PSD3: variants seen among roughly 807,000 people sequenced by gnomAD.
PSD3 encodes the protein pleckstrin and Sec7 domain containing 3.
Under a neutral mutation model 105.5 loss-of-function variants are expected in PSD3, and 49 were observed. The observed-to-expected ratio is 0.46, with a 90% CI of 0.37 to 0.59. The LOEUF (loss-of-function observed/expected upper bound fraction) is 0.59, where lower values mean the gene tolerates loss of function less well. PSD3 is among the 20% of genes least tolerant of loss of function. The pLI, the probability that PSD3 is intolerant of heterozygous loss-of-function variation, is 0.00. For missense variants in PSD3, 1,561 were observed against 1,263.8 expected, an observed-to-expected ratio of 1.24 and a Z score of -3.57; for synonymous variants, 557 against 457.8, an observed-to-expected ratio of 1.22 and a Z score of -2.77.
At chr8:18,560,915 T>A (rs1045897298) in intron 14 of PSD3, among the ~76,000 whole-genome samples, 1 of 152,228 alleles carries the variant, frequency 6.6e-6, no homozygotes, top group Non-Finnish European at 1.5e-5. Flanking sequence ...AAGTGTCTTA[T>A]AGAAGTGCTG....
chr8:18,966,064 T>C (rs1824223962), intron 1 of PSD3, among the ~76,000 whole-genome samples: 2 of 152,210 alleles, frequency 1.3e-5, no homozygotes, highest in African/African-American at 2.4e-5. Flanking sequence ...ATGTGCTGTA[T>C]AACTTTTCCC....
At chr8:18,697,093 A>G (rs922931097) in intron 9 of PSD3, among the ~76,000 whole-genome samples, 4 of 152,184 alleles carry the variant, frequency 2.6e-5, no homozygotes, top group Non-Finnish European at 4.4e-5. Context: ...ATCAAATTTA[A>G]AAGAAGTTAT....
chr8:18,930,142 C>G (rs1244192743), intron 2 of PSD3, among the ~76,000 whole-genome samples: 7 of 152,110 alleles, frequency 4.6e-5, no homozygotes, highest in African/African-American at 1.4e-4. Context: ...GCTCCACAGG[C>G]ACCATACAGC....
chr8:18,892,853 G>A (rs887522410), intron 2 of PSD3, among the ~76,000 whole-genome samples: 8 of 151,634 alleles, frequency 5.3e-5, no homozygotes, highest in Non-Finnish European at 1.0e-4. Context: ...TCAAACTTCC[G>A]GCCTCAAATA....
At chr8:19,018,453 C>T (rs1299550228), upstream of PSD3, among the ~76,000 whole-genome samples, 1 of 151,824 alleles carries the variant, frequency 6.6e-6, no homozygotes, top group Non-Finnish European at 1.5e-5. Context: ...TAGAATTTTA[C>T]ACTTAAAAGC....
intron 1 of PSD3, among the ~76,000 whole-genome samples, chr8:19,022,940 C>T (rs1827412221): frequency 6.6e-6 from 1 of 151,180 alleles, no homozygotes; most frequent in African/African-American, 2.4e-5. Context: ...GTGTATTACA[C>T]TGTCACCTCA....
At chr8:18,693,382 C>T (rs936762436) in intron 9 of PSD3, among the ~76,000 whole-genome samples, 6 of 152,202 alleles carry the variant, frequency 3.9e-5, no homozygotes, top group African/African-American at 1.4e-4. Flanking sequence ...GACCTGTGTT[C>T]ATATCTTGGC....
intron 1 of PSD3, among the ~76,000 whole-genome samples, chr8:19,050,778 T>C (rs1257695699): frequency 2.0e-5 from 3 of 152,100 alleles, no homozygotes; most frequent in African/African-American, 7.2e-5. Context: ...ATGGCACATG[T>C]ATACATATGT....
chr8:18,776,857 T>C (rs1808146082), intron 8 of PSD3, among the ~76,000 whole-genome samples: 1 of 152,190 alleles, frequency 6.6e-6, no homozygotes, highest in South Asian at 2.1e-4. Context: ...CTTGGTAGTT[T>C]GTATGTTTCT....
chr8:18,797,179 C>T (rs1810261995), intron 8 of PSD3, among the ~76,000 whole-genome samples: 1 of 152,120 alleles, frequency 6.6e-6, no homozygotes, highest in African/African-American at 2.4e-5. Flanking sequence ...TAACAGCATG[C>T]ATTATGGAAA....
At chr8:18,776,089 T>G (rs1585936420) in intron 8 of PSD3, among the ~76,000 whole-genome samples, 2 of 152,056 alleles carry the variant, frequency 1.3e-5, no homozygotes, top group Admixed American at 6.5e-5. Context: ...TGAGCACCAT[T>G]TATTGAAGAA....
chr8:18,662,763 C>G (rs17644570), intron 9 of PSD3, among the ~76,000 whole-genome samples: 4,053 of 152,316 alleles, frequency 0.027, 63 homozygotes, highest in South Asian at 0.066. Flanking sequence ...TCTCTGCTCC[C>G]TTTTCCTGTG....
At chr8:18,799,081 C>A in intron 8 of PSD3, 1 of 505,304 alleles carries the variant, frequency 2.0e-6, no homozygotes. Flanking sequence ...TAAAACAACT[C>A]CAGACACCAG....
chr8:18,808,732 A>G (rs1324415007), intron 4 of PSD3: 1 of 1,613,972 alleles, frequency 6.2e-7, no homozygotes, highest in East Asian at 2.2e-5. Flanking sequence ...AAGCTTGACA[A>G]TATGATGGCA....
chr8:18,839,031 C>G (rs1586184453), intron 4 of PSD3, among the ~76,000 whole-genome samples: 2 of 151,666 alleles, frequency 1.3e-5, no homozygotes, highest in South Asian at 4.2e-4. Context: ...TCAAAACCAA[C>G]TTTAAAACAA....
rs1260745260 is a variant in PSD3, at chr8:18,884,176, CAA to C, written c.131-11445_131-11444del. Reference sequence around the variant, plus strand: ...GAAGATAAATGCTTAATTTACAAAACAAATATAAAGAGCAAGCCTTGCAGAGT... The same window carrying C: ...GAAGATAAATGCTTAATTTACAAAACATATAAAGAGCAAGCCTTGCAGAGT... On this transcript the variant is annotated intron_variant, in intron 2 of 15. Coordinates refer to ENST00000327040, the MANE Select transcript of PSD3 (RefSeq NM_015310.4). 3.3e-5 allele frequency among the ~76,000 whole-genome samples: 5 copies of C among 151,450 alleles called. No individual in the cohort carries two copies. The East Asian group carries it at 9.7e-4, about 29-fold the overall frequency.
intron 4 of PSD3, among the ~76,000 whole-genome samples, chr8:18,826,090 T>C (rs539409178): frequency 2.6e-5 from 4 of 152,250 alleles, no homozygotes; most frequent in African/African-American, 9.6e-5. Flanking sequence ...GTAGACAAAG[T>C]CTGAATTCAA....
rs911785771 is a variant in PSD3, at chr8:19,027,652, C to T, written c.324+56554G>A. On this transcript the variant is annotated intron_variant, in intron 1 of 1. Transcript: ENST00000521475. ...AACTGCTGACAGAGTTTTAGCTCTC[C>T]GTAGTTTTGTCTTTTTTATAATTCT... Among the ~76,000 whole-genome samples, 22 of 152,236 alleles carry T rather than the reference C, an allele frequency of 1.4e-4. No homozygotes were observed. In the East Asian group the frequency reaches 1.5e-3, roughly 11 times the overall value.
At chr8:19,037,191 G>C (rs1045011885) in intron 1 of PSD3, among the ~76,000 whole-genome samples, 1 of 152,256 alleles carries the variant, frequency 6.6e-6, no homozygotes, top group African/African-American at 2.4e-5. Flanking sequence ...GCAAATCAAT[G>C]ATAGAACTTT....
Sources: allele counts gnomAD v4.1 joint callset (sites outside exome capture counted in the v4.1 genomes callset), GRCh38; gene constraint gnomAD v4.1.1; transcripts MANE v1.5; gene names NCBI Gene and HGNC (gene_info 2026-07-23, HGNC 2026-07-21).